Variants in GRHL2 observed in about 807,000 individuals in gnomAD.
The protein encoded by GRHL2 is grainyhead-like protein 2 homolog.
In GRHL2, 21 loss-of-function variants were observed where a neutral mutation model predicts 83.8. The observed-to-expected ratio is 0.25, with a 90% CI of 0.18 to 0.36. GRHL2 has a LOEUF of 0.36. Among genes scored for constraint, GRHL2 ranks in the 10% least tolerant of loss-of-function variants. GRHL2 has a pLI of 1.00. For missense variants in GRHL2, 623 were observed against 781.8 expected (o/e 0.80, Z 2.42); for synonymous variants, 280 against 278.9 (o/e 1.00, Z -0.04).
intron 8 of GRHL2, among the ~76,000 whole-genome samples, chr8:101,605,055 T>C (rs569270073): frequency 6.6e-6 from 1 of 152,330 alleles, no homozygotes; most frequent in African/African-American, 2.4e-5. Flanking sequence ...CATCAGCAAA[T>C]GTTCTTCCTG....
At chr8:101,671,755 A>G (rs949952748), downstream of GRHL2, among the ~76,000 whole-genome samples, 5 of 152,052 alleles carry the variant, frequency 3.3e-5, no homozygotes, top group South Asian at 2.1e-4. Flanking sequence ...CGGGTCCTTG[A>G]CCCCCAAGCA....
chr8:101,505,947 C>T (rs1289459970), intron 1 of GRHL2, among the ~76,000 whole-genome samples: 1 of 152,168 alleles, frequency 6.6e-6, no homozygotes, highest in African/African-American at 2.4e-5. Flanking sequence ...TGCAGCGTAT[C>T]CAAGTGTGCT....
chr8:101,620,836 T>C (rs193064199), intron 9 of GRHL2, among the ~76,000 whole-genome samples: 15 of 151,896 alleles, frequency 9.9e-5, no homozygotes, highest in African/African-American at 3.4e-4. Flanking sequence ...TGCCAGTGAG[T>C]GCAAGAGGAC....
chr8:101,637,060 C>T (rs1295354641), intron 12 of GRHL2, 132 bp downstream of exon 12: 32 of 842,568 alleles, frequency 3.8e-5, no homozygotes, highest in African/African-American at 1.0e-4. Context: ...AGCTGAGAGA[C>T]GCTTGATTCT....
chr8:101,521,802 T>A (rs1040774972), intron 1 of GRHL2, among the ~76,000 whole-genome samples: 20 of 151,870 alleles, frequency 1.3e-4, no homozygotes, highest in South Asian at 4.1e-4. Flanking sequence ...AAAAATGTAA[T>A]TTTTTGTTAG....
intron 1 of GRHL2, among the ~76,000 whole-genome samples, chr8:101,540,173 C>T (rs574863651): frequency 1.1e-4 from 16 of 152,288 alleles, no homozygotes; most frequent in African/African-American, 3.8e-4. Flanking sequence ...ATAGTCATAC[C>T]TGTTATTTGC....
intron 7 of GRHL2, among the ~76,000 whole-genome samples, chr8:101,595,705 T>G (rs1201371306): frequency 6.6e-6 from 1 of 152,208 alleles, no homozygotes; most frequent in East Asian, 1.9e-4. Flanking sequence ...CTTTGTTTTT[T>G]GTTTTCTCTT....
At chr8:101,655,042 T>C (rs4734569) in intron 14 of GRHL2, among the ~76,000 whole-genome samples, 60,270 of 151,562 alleles carry the variant, frequency 0.4, 14,484 homozygotes, top group African/African-American at 0.68. Context: ...ATTAGCCAGG[T>C]GTGGTGGTGC....
At chr8:101,586,082 T>C (rs1812161791) in intron 7 of GRHL2, among the ~76,000 whole-genome samples, 1 of 128,936 alleles carries the variant, frequency 7.8e-6, no homozygotes. Flanking sequence ...TTTTTTTTTT[T>C]TTTTTTTTGA....
rs779878869 is a variant in GRHL2 at position 101,619,685 on chromosome 8, C to T, written c.1245C>T (p.Val415=). 35 of 1,612,360 alleles carry T rather than the reference C, an allele frequency of 2.2e-5. No individual in the cohort carries two copies. The Admixed American group carries it at 5.8e-4, about 27-fold the overall frequency. ...ATAGAGCTTATTGCCAGATCAAGGT[C>T]TTCTGTGACAAAGTGAGTAAAGATG... The part of the protein sequence containing the change: ...PIHRAYCQIK[V]FCDKGAERKI... Residue 415 remains valine, a synonymous_variant, in exon 9 of 16, where the codon GTC becomes GTT. Transcript: ENST00000646743.
At chr8:101,507,349 T>C (rs1419514718) in intron 1 of GRHL2, among the ~76,000 whole-genome samples, 1 of 152,204 alleles carries the variant, frequency 6.6e-6, no homozygotes, top group Non-Finnish European at 1.5e-5. Context: ...GATTAATCTA[T>C]GGATTTTACT....
chr8:101,602,575 C>G (rs1227473227), intron 8 of GRHL2, among the ~76,000 whole-genome samples: 1 of 151,862 alleles, frequency 6.6e-6, no homozygotes, highest in Non-Finnish European at 1.5e-5. Context: ...TTTTTTTGCC[C>G]ACATTAGATA....
chr8:101,652,583 G>A (rs1563627619), intron 14 of GRHL2, among the ~76,000 whole-genome samples: 1 of 97,488 alleles, frequency 1.0e-5, no homozygotes, highest in Non-Finnish European at 1.9e-5. Context: ...TGGTGTGTGT[G>A]GTGTCTGTGT....
chr8:101,538,873 G>T (rs1434652374), intron 1 of GRHL2, among the ~76,000 whole-genome samples: 1 of 152,212 alleles, frequency 6.6e-6, no homozygotes, highest in Non-Finnish European at 1.5e-5. Context: ...GAGCATAAAA[G>T]GCCCCTGTGG....
chr8:101,663,245 A>G (rs957906541), intron 14 of GRHL2, among the ~76,000 whole-genome samples: 4 of 152,218 alleles, frequency 2.6e-5, no homozygotes, highest in African/African-American at 9.6e-5. Flanking sequence ...TCTGAGAGTA[A>G]CAATATGGAA....
chr8:101,670,788 T>C (rs1456562296), downstream of GRHL2, among the ~76,000 whole-genome samples: 1 of 152,224 alleles, frequency 6.6e-6, no homozygotes, highest in Non-Finnish European at 1.5e-5. Context: ...CGGTTGTCAG[T>C]GTCGTGAAGT....
chr8:101,631,662 AAGAGC>A lies in GRHL2; in HGVS notation c.1284_1288del (p.Arg430AlafsTer20), dbSNP rs1311636061. On this transcript the variant is annotated frameshift_variant, in exon 10 of 16. Transcript: ENST00000646743. LOFTEE classifies it high-confidence loss of function. Reference sequence around the variant, plus strand: ...GGAGCAGAAAGAAAAATCCGAGATGAAGAGCGGAAGCAGAACAGGAAGAAAGGGAA... The same window carrying A: ...GGAGCAGAAAGAAAAATCCGAGATGAGGAAGCAGAACAGGAAGAAAGGGAA... The A allele has an allele frequency of 6.2e-7, 1 of 1,613,582 alleles. No individual in the cohort carries two copies. The highest frequency in any genetic ancestry group is 1.3e-5 in the African/African-American group (1 of 74,884).
At chr8:101,676,403 T>C in the GRHL2 span, among the ~76,000 whole-genome samples, 180 of 151,528 alleles carry the variant, frequency 1.2e-3, 1 homozygote, top group South Asian at 1.5e-3. Flanking sequence ...GGGCGAAGGA[T>C]ATGAACAGAC....
intron 1 of GRHL2, among the ~76,000 whole-genome samples, chr8:101,540,104 C>T (rs1811122204): frequency 1.3e-5 from 2 of 152,208 alleles, no homozygotes; most frequent in South Asian, 4.1e-4. Context: ...AAATTATACT[C>T]AACTTTACCA....
Sources: allele counts gnomAD v4.1 joint callset (sites outside exome capture counted in the v4.1 genomes callset), GRCh38; gene constraint gnomAD v4.1.1; transcripts MANE v1.5; gene names NCBI Gene and HGNC (gene_info 2026-07-23, HGNC 2026-07-21).